EIF2D: variants seen among roughly 807,000 people sequenced by gnomAD.
EIF2D encodes hepatocellular carcinoma-associated antigen 56.
In EIF2D, 56 loss-of-function variants were observed where a neutral mutation model predicts 77.4. That is an observed-to-expected ratio of 0.72 (90% confidence interval 0.58 to 0.90). The LOEUF (loss-of-function observed/expected upper bound fraction) is 0.90, where lower values mean the gene tolerates loss of function less well. EIF2D is among the 40% of genes least tolerant of loss of function. EIF2D has a pLI of 0.00. For synonymous variants in EIF2D, 230 were observed against 271.0 expected, an observed-to-expected ratio of 0.85 and a Z score of 1.49; for missense variants, 574 against 706.5, an observed-to-expected ratio of 0.81 and a Z score of 2.13.
At position 206,609,358 on chromosome 1, in the gene EIF2D, A is replaced by G; in HGVS notation, c.331+18T>C. On this transcript the variant is annotated intron_variant, in intron 3 of 14. Coordinates refer to ENST00000271764, the MANE Select transcript of EIF2D (RefSeq NM_006893.3). The stretch of plus-strand genomic sequence containing the variant: ...GTAGGTTTCAGCCAATAGCCAGAAT[A>G]TAGGAGAATCCTCTTACCTGCTCCC... 6.2e-7 allele frequency: 1 copy of G among 1,610,568 alleles called. No homozygotes were observed. The highest frequency in any genetic ancestry group is 8.5e-7 in the Non-Finnish European group (1 of 1,176,946).
At chr1:206,608,463 ATGG>A in intron 3 of EIF2D, 137 bp from the exon 4 acceptor site, 1 of 689,596 alleles carries the variant, frequency 1.5e-6, no homozygotes, top group African/African-American at 1.8e-5. Flanking sequence ...AAAATGAAAA[ATGG>A]CAACTTCCAA....
intron 4 of EIF2D, among the ~76,000 whole-genome samples, chr1:206,575,495 A>G (rs558104045): frequency 6.6e-6 from 1 of 152,294 alleles, no homozygotes; most frequent in Admixed American, 6.5e-5. Context: ...ACAATAGAGA[A>G]AAGTGGTGAG....
downstream of EIF2D, chr1:206,587,290 G>A (rs564574736): frequency 2.7e-6 from 1 of 366,504 alleles, no homozygotes; most frequent in Admixed American, 4.0e-5. Flanking sequence ...CACCAAACTG[G>A]AACCTCACAC....
intron 2 of EIF2D, among the ~76,000 whole-genome samples, chr1:206,582,823 T>C (rs1668946703): frequency 6.6e-6 from 1 of 152,244 alleles, no homozygotes; most frequent in African/African-American, 2.4e-5. Context: ...TCCCTCCAGC[T>C]GTGTTGTTAC....
chr1:206,583,486 T>G (rs1668978071), intron 2 of EIF2D: 3 of 769,564 alleles, frequency 3.9e-6, no homozygotes, highest in Middle Eastern at 3.2e-4. Flanking sequence ...GCAGGTCCCC[T>G]CCCTTTCCTC....
downstream of EIF2D, chr1:206,587,416 T>C (rs78403400): frequency 6.2e-3 from 1,594 of 257,556 alleles, 35 homozygotes; most frequent in African/African-American, 0.034. Flanking sequence ...GAGTGAAAAG[T>C]TGTAGCACAT....
chr1:206,573,937 C>T (rs996947488), intron 4 of EIF2D, among the ~76,000 whole-genome samples: 1 of 152,240 alleles, frequency 6.6e-6, no homozygotes, highest in African/African-American at 2.4e-5. Context: ...CCACCTGTGG[C>T]CCAGCGTGCA....
intron 4 of EIF2D, among the ~76,000 whole-genome samples, chr1:206,578,446 G>A (rs1668741214): frequency 6.6e-6 from 1 of 152,154 alleles, no homozygotes; most frequent in African/African-American, 2.4e-5. Context: ...ATAGTGCACG[G>A]TACATATTAG....
chr1:206,588,114 C>T (rs560429416), downstream of EIF2D: 1 of 152,918 alleles, frequency 6.5e-6, no homozygotes, highest in Non-Finnish European at 1.5e-5. Flanking sequence ...GCCTGGCCTC[C>T]CCGTCGACCT....
downstream of EIF2D, chr1:206,588,916 C>T (rs1381576104): frequency 6.6e-6 from 1 of 152,614 alleles, no homozygotes; most frequent in African/African-American, 2.4e-5. Flanking sequence ...TGAGAACCTC[C>T]CTCTATGGGG....
intron 4 of EIF2D, among the ~76,000 whole-genome samples, chr1:206,573,734 G>A (rs782795140): frequency 6.6e-5 from 10 of 152,354 alleles, no homozygotes; most frequent in South Asian, 6.2e-4. Context: ...GTAGCCAGGC[G>A]TAGTGGCTCA....
At chr1:206,596,964 G>A in intron 12 of EIF2D, 136 bp downstream of exon 12, 1 of 659,820 alleles carries the variant, frequency 1.5e-6, no homozygotes, top group Non-Finnish European at 2.6e-6. Flanking sequence ...TCAAGCCTGT[G>A]TTTATGTAGA....
chr1:206,591,975 C>G, intron 14 of EIF2D, 130 bp from the exon 15 acceptor site: 1 of 793,648 alleles, frequency 1.3e-6, no homozygotes, highest in Non-Finnish European at 2.2e-6. Context: ...TGACCACTTA[C>G]GCCTACACCT....
At chr1:206,572,312 T>G (rs1323162080) in intron 5 of EIF2D, among the ~76,000 whole-genome samples, 1 of 152,120 alleles carries the variant, frequency 6.6e-6, no homozygotes. Flanking sequence ...TTGAGGGAGC[T>G]TCTTCCGAGA....
intron 8 of EIF2D, 58 bp downstream of exon 8, chr1:206,600,205 G>A (rs1669855577): frequency 1.3e-6 from 2 of 1,546,100 alleles, no homozygotes; most frequent in Non-Finnish European, 1.8e-6. Context: ...TCTGGCTTAT[G>A]TCATATGTGC....
intron 3 of EIF2D, 109 bp downstream of exon 3, chr1:206,609,267 T>A: frequency 9.2e-7 from 1 of 1,087,758 alleles, no homozygotes. Context: ...GGGGAAAAAA[T>A]TCCATTTTTC....
At chr1:206,610,596 G>A (rs902689842) in intron 2 of EIF2D, among the ~76,000 whole-genome samples, 2 of 152,022 alleles carry the variant, frequency 1.3e-5, no homozygotes, top group African/African-American at 4.8e-5. Flanking sequence ...CGAGGCGGGC[G>A]GATCATGAGG....
rs1553410757 is a variant in EIF2D at position 206,599,137 on chromosome 1, T to C, written c.1203-45A>G. 3.8e-6 allele frequency: 6 copies of C among 1,589,860 alleles called. No homozygotes were observed. Among genetic ancestry groups the C allele is most frequent in the Middle Eastern group, 3.3e-4 (2 of 6,012 alleles). ...CCAGGGGTTAGTTCATGCTGTGCCA[T>C]GAGACAAAAATGCAGATGCCCAGAC... On this transcript the variant is annotated intron_variant, in intron 10 of 14. Coordinates refer to ENST00000271764, the MANE Select transcript of EIF2D (RefSeq NM_006893.3). The surrounding 1 kb of genome is among the most constrained non-coding windows in gnomAD (Gnocchi z 4.1).
At chr1:206,596,397 T>A (rs1297109079) in intron 12 of EIF2D, among the ~76,000 whole-genome samples, 1 of 152,236 alleles carries the variant, frequency 6.6e-6, no homozygotes, top group Non-Finnish European at 1.5e-5. Flanking sequence ...AACTACTCAG[T>A]TCTGCCATTA....
Sources: allele counts gnomAD v4.1 joint callset (sites outside exome capture counted in the v4.1 genomes callset), GRCh38; gene constraint gnomAD v4.1.1; non-coding constraint Gnocchi (gnomAD v3.1); transcripts MANE v1.5; gene names NCBI Gene and HGNC (gene_info 2026-07-23, HGNC 2026-07-21).